FSTL5: variants seen among roughly 807,000 people sequenced by gnomAD.
FSTL5 encodes follistatin like 5.
A neutral mutation model predicts 89.1 loss-of-function variants in FSTL5; 62 were observed. The ratio of observed to expected loss-of-function variants is 0.70; its 90% CI spans 0.57 to 0.86. FSTL5 has a LOEUF of 0.86. FSTL5 is among the 40% of genes least tolerant of loss of function. The pLI is 0.00. For missense variants in FSTL5, 1,057 were observed against 1,001.6 expected (o/e 1.06, Z -0.75); for synonymous variants, 383 against 346.2 (o/e 1.11, Z -1.18).
At chr4:161,810,703 T>C (rs1402245723) in intron 4 of FSTL5, among the ~76,000 whole-genome samples, 1 of 152,216 alleles carries the variant, frequency 6.6e-6, no homozygotes, top group Non-Finnish European at 1.5e-5. Flanking sequence ...ATAGCATTGT[T>C]CTGAAGTTTG....
chr4:162,097,581 C>T (rs369159975), intron 2 of FSTL5, among the ~76,000 whole-genome samples: 1 of 151,660 alleles, frequency 6.6e-6, no homozygotes, highest in Admixed American at 6.6e-5. Context: ...ATTATATATA[C>T]TTTGTAGTAT....
intron 3 of FSTL5, among the ~76,000 whole-genome samples, chr4:161,938,283 GTCTC>G (rs1270876703): frequency 6.6e-6 from 1 of 152,046 alleles, no homozygotes; most frequent in Non-Finnish European, 1.5e-5. Flanking sequence ...AACTAGCAGA[GTCTC>G]TGGTGATCTT....
At chr4:161,747,357 T>C (rs1740235539) in intron 6 of FSTL5, among the ~76,000 whole-genome samples, 1 of 151,572 alleles carries the variant, frequency 6.6e-6, no homozygotes, top group Non-Finnish European at 1.5e-5. Flanking sequence ...CCAACATACT[T>C]TGTGTATTTT....
At chr4:162,072,138 A>C (rs1579004867) in intron 2 of FSTL5, among the ~76,000 whole-genome samples, 1 of 151,812 alleles carries the variant, frequency 6.6e-6, no homozygotes, top group African/African-American at 2.4e-5. Flanking sequence ...AGGCATATAT[A>C]ATTATCTGTT....
chr4:161,707,517 T>C (rs1468348211), intron 6 of FSTL5, among the ~76,000 whole-genome samples: 1 of 151,884 alleles, frequency 6.6e-6, no homozygotes, highest in Admixed American at 6.6e-5. Context: ...AGACGGAGGA[T>C]GCACTGCATA....
chr4:161,710,655 T>G lies in FSTL5; in HGVS notation c.727+48756A>C, dbSNP rs180706592. Among the ~76,000 whole-genome samples, 58 of 152,338 alleles carry G rather than the reference T, an allele frequency of 3.8e-4. 2 individuals are homozygous for G. The East Asian group carries it at 0.011, about 28-fold the overall frequency. On this transcript the variant is annotated intron_variant, in intron 6 of 15. Transcript: ENST00000306100. Reference sequence around the variant, plus strand: ...AGCATCAAAGGAACACTTGCCTTTCTTCCAATTGTGCAAAAGAAAAAAATA... The same window carrying G: ...AGCATCAAAGGAACACTTGCCTTTCGTCCAATTGTGCAAAAGAAAAAAATA...
At chr4:162,097,940 G>A (rs778952823) in intron 2 of FSTL5, among the ~76,000 whole-genome samples, 18 of 151,752 alleles carry the variant, frequency 1.2e-4, no homozygotes, top group Non-Finnish European at 1.5e-4. Flanking sequence ...ACTATGAGCC[G>A]GCAATCCACT....
At chr4:161,912,066 C>T (rs556335709) in intron 4 of FSTL5, among the ~76,000 whole-genome samples, 76 of 152,208 alleles carry the variant, frequency 5.0e-4, no homozygotes, top group Non-Finnish European at 7.9e-4. Flanking sequence ...CAATTTTCAA[C>T]GGCATTTTCT....
intron 4 of FSTL5, among the ~76,000 whole-genome samples, chr4:161,888,152 C>T (rs1732873885): frequency 6.6e-6 from 1 of 152,114 alleles, no homozygotes; most frequent in African/African-American, 2.4e-5. Flanking sequence ...TCCTCCTGTG[C>T]ACAAAACTAG....
At chr4:161,804,881 G>GC (rs997025022) in intron 4 of FSTL5, among the ~76,000 whole-genome samples, 8 of 152,104 alleles carry the variant, frequency 5.3e-5, no homozygotes, top group Non-Finnish European at 1.2e-4. Context: ...CAATTTCTCA[G>GC]CCCCCTGGAA....
intron 3 of FSTL5, among the ~76,000 whole-genome samples, chr4:161,939,472 AG>A (rs1404197209): frequency 6.6e-6 from 1 of 151,976 alleles, no homozygotes; most frequent in Non-Finnish European, 1.5e-5. Context: ...TTCTGTTTTA[AG>A]GTTATCTAAG....
At chr4:161,833,121 C>G (rs1730903772) in intron 4 of FSTL5, among the ~76,000 whole-genome samples, 1 of 150,682 alleles carries the variant, frequency 6.6e-6, no homozygotes, top group South Asian at 2.1e-4. Context: ...TTTATTTCTG[C>G]CTTCATTTCG....
chr4:161,536,986 G>A (rs1731641345), intron 10 of FSTL5, among the ~76,000 whole-genome samples: 1 of 152,096 alleles, frequency 6.6e-6, no homozygotes, highest in Admixed American at 6.6e-5. Flanking sequence ...TGGACCTTAT[G>A]CAGGCCATTA....
chr4:161,879,083 T>C (rs1732542066), intron 4 of FSTL5, among the ~76,000 whole-genome samples: 1 of 152,158 alleles, frequency 6.6e-6, no homozygotes, highest in Admixed American at 6.5e-5. Context: ...TCTCCTGAGT[T>C]TTCTCATTTT....
chr4:161,779,812 TATATATA>T (rs1560841073), intron 4 of FSTL5, among the ~76,000 whole-genome samples: 10 of 84,180 alleles, frequency 1.2e-4, no homozygotes, highest in Admixed American at 1.3e-4. Context: ...TATATATATG[TATATATA>T]TATATATATA....
At chr4:161,463,221 C>CAA (rs888096963) in intron 13 of FSTL5, among the ~76,000 whole-genome samples, 2 of 151,914 alleles carry the variant, frequency 1.3e-5, no homozygotes, top group African/African-American at 4.8e-5. Context: ...CAACGATTTC[C>CAA]AAAAGTTTTG....
At chr4:162,094,566 C>A (rs918031349) in intron 2 of FSTL5, among the ~76,000 whole-genome samples, 49 of 151,920 alleles carry the variant, frequency 3.2e-4, no homozygotes, top group Admixed American at 1.9e-3. Flanking sequence ...AACATTCAGA[C>A]ATAGTATTAA....
At chr4:162,001,326 A>G (rs1449206205) in intron 3 of FSTL5, among the ~76,000 whole-genome samples, 2 of 152,134 alleles carry the variant, frequency 1.3e-5, no homozygotes, top group Non-Finnish European at 2.9e-5. Context: ...CCTCCTATCT[A>G]TCTATCTATC....
chr4:161,780,876 C>T (rs1470795260), intron 4 of FSTL5, among the ~76,000 whole-genome samples: 2 of 152,144 alleles, frequency 1.3e-5, no homozygotes, highest in Non-Finnish European at 2.9e-5. Flanking sequence ...TGAAATGACA[C>T]TTTTATCCTT....
Sources: gnomAD v4.1 joint callset for allele counts (sites outside exome capture counted in the v4.1 genomes callset) on GRCh38, gnomAD v4.1.1 for gene constraint, MANE v1.5 for transcripts, NCBI Gene and HGNC (gene_info 2026-07-23, HGNC 2026-07-21) for gene names.